The following ME3 variants were observed in gnomAD, a reference collection of about 807,000 sequenced individuals.
ME3 encodes malic enzyme 3, also known as NADP-dependent malic enzyme, mitochondrial.
ME3 carries 48 observed loss-of-function variants against 68.9 expected under a neutral mutation model. The observed-to-expected ratio is 0.70, with a 90% confidence interval of 0.55 to 0.89. The LOEUF is 0.89. ME3 is among the 40% of genes least tolerant of loss of function. The pLI, the probability that ME3 is intolerant of heterozygous loss-of-function variation, is 0.00. For synonymous variants in ME3, 320 were observed against 318.8 expected, an observed-to-expected ratio of 1.00 and a Z score of -0.04; for missense variants, 675 against 797.4, an observed-to-expected ratio of 0.85 and a Z score of 1.85.
intron 7 of ME3, among the ~76,000 whole-genome samples, chr11:86,472,221 G>A (rs1033691654): frequency 2.0e-5 from 3 of 152,216 alleles, no homozygotes; most frequent in African/African-American, 7.2e-5. Context: ...GCCAGAGGAG[G>A]CTGAAGATGG....
chr11:86,506,861 C>G (rs1039023994), intron 5 of ME3, among the ~76,000 whole-genome samples: 1 of 152,194 alleles, frequency 6.6e-6, no homozygotes, highest in Non-Finnish European at 1.5e-5. Context: ...CCCTTAATGT[C>G]CTCAAGATTT....
chr11:86,672,274 C>T (rs1947005891), intron 1 of ME3, 50 bp downstream of exon 1: 1 of 275,842 alleles, frequency 3.6e-6, no homozygotes, highest in African/African-American at 2.2e-5. Flanking sequence ...GTCCCCGTAC[C>T]CCTAATCCCG....
At chr11:86,638,945 C>T (rs1944508154) in intron 2 of ME3, among the ~76,000 whole-genome samples, 1 of 152,162 alleles carries the variant, frequency 6.6e-6, no homozygotes, top group Admixed American at 6.5e-5. Flanking sequence ...GAAAGCCCCA[C>T]CAGAAATCAC....
chr11:86,504,074 G>A (rs998963016), intron 5 of ME3, among the ~76,000 whole-genome samples: 2 of 152,048 alleles, frequency 1.3e-5, no homozygotes, highest in Non-Finnish European at 2.9e-5. Flanking sequence ...CATTTCCATC[G>A]CAGCCTACTT....
chr11:86,438,842 CT>C (rs1325337658), downstream of ME3, among the ~76,000 whole-genome samples: 1 of 152,084 alleles, frequency 6.6e-6, no homozygotes, highest in Non-Finnish European at 1.5e-5. Context: ...CCAATAAGAT[CT>C]TTCTCTCTCT....
At chr11:86,582,785 G>T (rs1186625987) in intron 2 of ME3, among the ~76,000 whole-genome samples, 1 of 151,862 alleles carries the variant, frequency 6.6e-6, no homozygotes, top group Non-Finnish European at 1.5e-5. Context: ...CCCCACGGGA[G>T]TCCTGCTACT....
At chr11:86,540,544 C>T (rs1955979476) in intron 4 of ME3, among the ~76,000 whole-genome samples, 1 of 152,202 alleles carries the variant, frequency 6.6e-6, no homozygotes, top group Non-Finnish European at 1.5e-5. Flanking sequence ...ACCAGTCATT[C>T]CTAAATCCAA....
chr11:86,449,271 G>T lies in ME3; in HGVS notation c.1131+618C>A, dbSNP rs10898483. On this transcript the variant is annotated intron_variant, in intron 10 of 14. Transcript: ENST00000543262. ...GTCCTTCAGTTGTGTCTCTCAACAC[G>T]TGCTAGCTGGAAGCTGGACTGTTTC... Among the ~76,000 whole-genome samples, 625 of 152,188 alleles carry T rather than the reference G, an allele frequency of 4.1e-3. 6 individuals are homozygous for T. Among genetic ancestry groups the T allele is most frequent in the African/African-American group, 0.015 (608 of 41,514 alleles).
intron 2 of ME3, among the ~76,000 whole-genome samples, chr11:86,584,264 G>A (rs1958608881): frequency 6.6e-6 from 1 of 152,086 alleles, no homozygotes; most frequent in Admixed American, 6.6e-5. Flanking sequence ...ACCACAATGT[G>A]TTATTACCTC....
At chr11:86,598,484 G>A (rs1959958438) in intron 2 of ME3, among the ~76,000 whole-genome samples, 1 of 152,218 alleles carries the variant, frequency 6.6e-6, no homozygotes, top group African/African-American at 2.4e-5. Flanking sequence ...AGCTCAAGGA[G>A]GCCTGCCTGC....
chr11:86,544,594 C>G (rs914788479), intron 4 of ME3, among the ~76,000 whole-genome samples: 32 of 152,228 alleles, frequency 2.1e-4, no homozygotes, highest in African/African-American at 7.5e-4. Flanking sequence ...ACCCTCCTCC[C>G]AAGACTAAAC....
intron 2 of ME3, among the ~76,000 whole-genome samples, chr11:86,605,225 C>G (rs1961450331): frequency 6.6e-6 from 1 of 152,192 alleles, no homozygotes; most frequent in Non-Finnish European, 1.5e-5. Context: ...TATATACATA[C>G]TGCAAATTAT....
At chr11:86,545,365 G>C (rs1297339544) in intron 4 of ME3, among the ~76,000 whole-genome samples, 1 of 152,212 alleles carries the variant, frequency 6.6e-6, no homozygotes, top group East Asian at 1.9e-4. Flanking sequence ...AATAGGATGA[G>C]AGGAAGTCAG....
intron 2 of ME3, among the ~76,000 whole-genome samples, chr11:86,625,822 T>G (rs562290312): frequency 6.6e-5 from 10 of 152,328 alleles, no homozygotes; most frequent in African/African-American, 2.4e-4. Context: ...GGTCTGGTTC[T>G]TCTGCTTTCT....
At chr11:86,634,428 C>G (rs535417497) in intron 2 of ME3, among the ~76,000 whole-genome samples, 1 of 152,332 alleles carries the variant, frequency 6.6e-6, no homozygotes, top group African/African-American at 2.4e-5. Flanking sequence ...TTTTTAAACT[C>G]TAGACTTCCC....
At chr11:86,599,561 G>A (rs1354277625) in intron 2 of ME3, among the ~76,000 whole-genome samples, 1 of 152,154 alleles carries the variant, frequency 6.6e-6, no homozygotes, top group Non-Finnish European at 1.5e-5. Flanking sequence ...CCCCAATCTA[G>A]CAAGGCAGGC....
intron 2 of ME3, among the ~76,000 whole-genome samples, chr11:86,643,252 C>T (rs923927469): frequency 6.6e-6 from 1 of 152,152 alleles, no homozygotes; most frequent in African/African-American, 2.4e-5. Context: ...TGTCACTCTT[C>T]AGTGTTCATC....
chr11:86,560,476 G>A (rs1340760642), intron 2 of ME3, among the ~76,000 whole-genome samples: 1 of 151,762 alleles, frequency 6.6e-6, no homozygotes, highest in Admixed American at 6.6e-5. Context: ...TGTGAAAACG[G>A]ACTAATACAA....
At chr11:86,463,744 A>T (rs1441766451) in intron 8 of ME3, among the ~76,000 whole-genome samples, 1 of 152,242 alleles carries the variant, frequency 6.6e-6, no homozygotes, top group African/African-American at 2.4e-5. Flanking sequence ...GTCGTCTATC[A>T]CATTTCTTAT....
Sources: allele counts gnomAD v4.1 joint callset (sites outside exome capture counted in the v4.1 genomes callset), GRCh38; gene constraint gnomAD v4.1.1; transcripts MANE v1.5; gene names NCBI Gene and HGNC (gene_info 2026-07-23, HGNC 2026-07-21).